The following PIKFYVE variants were observed in gnomAD, a reference collection of about 807,000 sequenced individuals.
The protein encoded by PIKFYVE is phosphoinositide kinase, FYVE-type zinc finger containing.
Under a neutral mutation model 257.9 loss-of-function variants are expected in PIKFYVE, and 122 were observed. That is an observed-to-expected ratio of 0.47 (90% CI 0.41 to 0.55). The LOEUF is 0.55. PIKFYVE is among the 20% of genes least tolerant of loss of function. PIKFYVE has a pLI of 0.00. For missense variants in PIKFYVE, 2,160 were observed against 2,536.6 expected, an observed-to-expected ratio of 0.85 and a Z score of 3.19; for synonymous variants, 892 against 868.9, an observed-to-expected ratio of 1.03 and a Z score of -0.47.
At chr2:208,266,066 T>A (rs1253200307), upstream of PIKFYVE, 1 of 152,676 alleles carries the variant, frequency 6.5e-6, no homozygotes, top group South Asian at 2.1e-4. Context: ...GCAGTCCCCC[T>A]GGCTTCTTCC....
intron 12 of PIKFYVE, among the ~76,000 whole-genome samples, chr2:208,306,359 T>C (rs560913863): frequency 6.6e-6 from 1 of 152,296 alleles, no homozygotes; most frequent in African/African-American, 2.4e-5. Context: ...ACTTGGAGGA[T>C]ATTATGAAGG....
intron 7 of PIKFYVE, among the ~76,000 whole-genome samples, chr2:208,290,515 C>A (rs1692177557): frequency 6.6e-6 from 1 of 152,202 alleles, no homozygotes; most frequent in South Asian, 2.1e-4. Flanking sequence ...TATCTACTCA[C>A]CTACTGAAGG....
intron 28 of PIKFYVE, 108 bp downstream of exon 28, chr2:208,337,036 A>G: frequency 1.2e-6 from 1 of 818,226 alleles, no homozygotes; most frequent in Non-Finnish European, 2.0e-6. Flanking sequence ...AATGATATCC[A>G]GTAGGGTTTT....
Position 208,273,717 on chromosome 2 carries a change from G to T in PIKFYVE, c.306G>T (p.Arg102=). The change falls in exon 3 of 42, where the codon CGG becomes CGT. Residue 102 remains arginine (R), a synonymous_variant. Coordinates refer to ENST00000264380, the MANE Select transcript of PIKFYVE (RefSeq NM_015040.4). ...YKKQLNEELQ[R]RSSALDTRRK... is the part of the protein sequence containing the mutation. ...AGCAGCTTAATGAGGAACTCCAGCGGCGCTCTTCAGCATTAGGTAAAACAG... is the reference window on the plus strand; with the variant it reads ...AGCAGCTTAATGAGGAACTCCAGCGTCGCTCTTCAGCATTAGGTAAAACAG... The T allele has an allele frequency of 6.2e-7, 1 of 1,614,154 alleles. No homozygotes were observed. The highest frequency in any genetic ancestry group is 1.6e-4 in the Middle Eastern group (1 of 6,062).
chr2:208,321,857 G>A (rs1027686324), intron 17 of PIKFYVE, among the ~76,000 whole-genome samples: 6 of 152,066 alleles, frequency 3.9e-5, no homozygotes, highest in African/African-American at 1.4e-4. Flanking sequence ...GATTACAGGC[G>A]TGAGCCACAA....
intron 36 of PIKFYVE, among the ~76,000 whole-genome samples, chr2:208,350,305 G>T (rs990448948): frequency 6.6e-6 from 1 of 152,020 alleles, no homozygotes; most frequent in African/African-American, 2.4e-5. Flanking sequence ...TGTAAATTAT[G>T]CTCTTATTTC....
At chr2:208,278,927 G>A (rs1445479530) in intron 5 of PIKFYVE, among the ~76,000 whole-genome samples, 2 of 152,132 alleles carry the variant, frequency 1.3e-5, no homozygotes, top group Admixed American at 6.6e-5. Context: ...CCCAGTAGTG[G>A]GATTCCTGAA....
rs569039769 is a variant in PIKFYVE, at chr2:208,354,095, T to C, written c.6042T>C (p.Ile2014=). The C allele has an allele frequency of 2.5e-5, 40 of 1,613,958 alleles. No homozygotes were observed. In the South Asian group the frequency reaches 3.7e-4, roughly 15 times the overall value. Residue 2014 remains isoleucine, a synonymous_variant, in exon 40 of 42, where the codon ATT becomes ATC. Transcript: ENST00000264380. ...SDSHFLSSHL[I]IDYSLLVGRD... is the part of the protein sequence containing the mutation. ...CCCATTTCCTTTCTAGCCACCTCAT[T>C]ATAGATTATTCTTTGCTGGTTGGGC... is the stretch of plus-strand genomic sequence containing the variant.
rs767568429 is a variant in PIKFYVE, at chr2:208,271,638, C to T, written c.119C>T (p.Pro40Leu). The T allele has an allele frequency of 1.2e-5, 19 of 1,613,856 alleles. No homozygotes were observed. The highest frequency in any genetic ancestry group is 1.6e-5 in the Non-Finnish European group (19 of 1,179,938). ...FKPLTPDQDE[P>L]PFKSAYSSFV... Reference sequence around the variant, plus strand: ...CCTTTGACTCCTGATCAAGATGAGCCCCCTTTTAAATCAGCTTATAGTTCT... The same window carrying T: ...CCTTTGACTCCTGATCAAGATGAGCTCCCTTTTAAATCAGCTTATAGTTCT... Residue 40 changes from proline (P) to leucine (L), a missense_variant, in exon 2 of 42, where the codon CCC becomes CTC. Around this residue, in one of 12 missense-constraint regions of PIKFYVE, gnomAD observed 172 missense variants for 180.6 expected, o/e 0.95. Transcript: ENST00000264380.
chr2:208,351,622 A>G (rs185976317), intron 38 of PIKFYVE, among the ~76,000 whole-genome samples, 167 bp downstream of exon 38: 3 of 152,286 alleles, frequency 2.0e-5, no homozygotes, highest in Non-Finnish European at 2.9e-5. Context: ...CTGTGTATAC[A>G]AAGCATAGTG....
At position 208,324,942 on chromosome 2, in the gene PIKFYVE, A is replaced by G; in HGVS notation, c.2363A>G (p.Gln788Arg). 1.2e-6 allele frequency: 2 copies of G among 1,614,052 alleles called. No homozygotes were observed. The highest frequency in any genetic ancestry group is 8.5e-7 in the Non-Finnish European group (1 of 1,179,946). Residue 788 changes from glutamine to arginine, a missense_variant, in exon 19 of 42, where the codon CAA becomes CGA. Transcript: ENST00000264380. Reference protein sequence around the residue: ...QVLERISRMTQGDLVMSMDQL... With the variant: ...QVLERISRMTRGDLVMSMDQL... ...TTGGAACGAATCAGTCGAATGACCC[A>G]AGGTGATTTAGTGATGTCAATGGAC...
Position 208,355,426 on chromosome 2 carries a change from T to G in PIKFYVE, c.*121T>G. On this transcript the variant is annotated 3_prime_UTR_variant, in exon 42 of 42. Transcript: ENST00000264380. ...ACCACTGTATGCCAAGGCTTTTCAG[T>G]TCTGTGGCTGTTTAGACTGTCCGTA... 1.2e-6 allele frequency: 1 copy of G among 809,740 alleles called. No individual in the cohort carries two copies. The highest frequency in any genetic ancestry group is 2.0e-6 in the Non-Finnish European group (1 of 494,832). The allele number at this position is 809,740 out of a possible 1,614,324, so 50.2% of individuals were successfully genotyped here. A position where few individuals can be genotyped will look rare whatever the true frequency, so the allele number is the denominator to read the frequency against.
intron 2 of PIKFYVE, 132 bp downstream of exon 2, chr2:208,271,823 G>A: frequency 3.5e-6 from 3 of 861,754 alleles, no homozygotes; most frequent in Non-Finnish European, 5.4e-6. Context: ...CTGTAAGAAA[G>A]TGAAATATTA....
At chr2:208,320,463 A>G in intron 17 of PIKFYVE, 104 bp downstream of exon 17, 1 of 1,415,952 alleles carries the variant, frequency 7.1e-7, no homozygotes, top group Non-Finnish European at 9.8e-7. Flanking sequence ...ATTAAATTGG[A>G]TAGGCAAACT....
chr2:208,317,981 T>G, intron 16 of PIKFYVE, 40 bp downstream of exon 16: 1 of 1,571,646 alleles, frequency 6.4e-7, no homozygotes, highest in Non-Finnish European at 8.8e-7. Context: ...CAGCAAACCA[T>G]GGCTGTGTGC....
intron 5 of PIKFYVE, among the ~76,000 whole-genome samples, chr2:208,278,675 G>T (rs1008025290): frequency 6.6e-6 from 1 of 152,018 alleles, no homozygotes; most frequent in African/African-American, 2.4e-5. Flanking sequence ...TTTCTGTTCT[G>T]TGTTAATTTA....
rs1306879314 is a variant in PIKFYVE at position 208,277,641 on chromosome 2, A to T, written c.546A>T (p.Leu182=). The T allele has an allele frequency of 6.2e-7, 1 of 1,613,820 alleles. No individual in the cohort carries two copies. The highest frequency in any genetic ancestry group is 1.7e-5 in the Admixed American group (1 of 59,998). The change falls in exon 5 of 42, where the codon CTA becomes CTT. Residue 182 remains leucine, a synonymous_variant. Coordinates refer to ENST00000264380, the MANE Select transcript of PIKFYVE (RefSeq NM_015040.4). ...TTAGGCGCAGACACCATTGCCGACT[A>T]TGTGGGCAGATTTTCTGCAGTCGTT... The part of the protein sequence containing the change: ...TTFRRRHHCR[L]CGQIFCSRCC...
At position 208,272,756 on chromosome 2, in the gene PIKFYVE, A is replaced by G. The variant is rs187342657; in HGVS notation, c.173-828A>G. Among the ~76,000 whole-genome samples, 4 of 152,220 alleles carry G rather than the reference A, an allele frequency of 2.6e-5. No homozygotes were observed. In the East Asian group the frequency reaches 7.7e-4, roughly 29 times the overall value. Reference sequence around the variant, plus strand: ...TATTTATGATCATGTTTAAAGTGCTATGAAAACCCTTTAGTACATTTTTAA... The same window carrying G: ...TATTTATGATCATGTTTAAAGTGCTGTGAAAACCCTTTAGTACATTTTTAA... On this transcript the variant is annotated intron_variant, in intron 2 of 41. Transcript: ENST00000264380.
At position 208,345,176 on chromosome 2, in the gene PIKFYVE, A is replaced by T; in HGVS notation, c.5093A>T (p.Glu1698Val). 1 of 1,611,302 alleles carries T rather than the reference A, an allele frequency of 6.2e-7. No homozygotes were observed. Among genetic ancestry groups the T allele is most frequent in the Non-Finnish European group, 8.5e-7 (1 of 1,177,614 alleles). The change falls in exon 33 of 42, where the codon GAA becomes GTA. Residue 1698 changes from glutamate (E) to valine (V), a missense_variant. Glu to Val is a moderately radical substitution (Grantham distance 121, BLOSUM62 -2). Transcript: ENST00000264380. ...SKATQWNSAE[E>V]GLPTNSTSDS... ...GCGACTCAGTGGAACAGTGCCGAAG[A>T]AGGGCTTCCAACAAATAGGTGATTC... is the stretch of plus-strand genomic sequence containing the variant.
Sources: gnomAD v4.1 joint callset for allele counts (sites outside exome capture counted in the v4.1 genomes callset) on GRCh38, gnomAD v4.1.1 for gene constraint, gnomAD v4.1.1 regional missense constraint, MANE v1.5 for transcripts, NCBI Gene and HGNC (gene_info 2026-07-23, HGNC 2026-07-21) for gene names.